The following SGK1 variants were observed in gnomAD, a reference collection of about 807,000 sequenced individuals.
SGK1 encodes the protein serum/glucocorticoid regulated kinase 1, also known as serine/threonine-protein kinase Sgk1.
A neutral mutation model predicts 64.2 loss-of-function variants in SGK1; 26 were observed. That is an observed-to-expected ratio of 0.40 (90% CI 0.30 to 0.56). The LOEUF is 0.56. Among genes scored for constraint, SGK1 ranks in the 20% least tolerant of loss-of-function variants. SGK1 has a pLI of 0.38. For synonymous variants in SGK1, 265 were observed against 239.7 expected (o/e 1.11, Z -0.98); for missense variants, 519 against 645.6 (o/e 0.80, Z 2.12).
chr6:134,297,887 C>G, intron 1 of SGK1: 1 of 804,666 alleles, frequency 1.2e-6, no homozygotes, highest in Non-Finnish European at 2.2e-6. Context: ...GGTACATGCT[C>G]TCAGCCTCAC....
Position 134,173,570 on chromosome 6 carries a change from G to GAA in SGK1, c.514-6_514-5dup, listed in dbSNP as rs113667538. The GAA allele has an allele frequency of 8.2e-4, 1,021 of 1,251,452 alleles. No individual in the cohort carries two copies. Among genetic ancestry groups the GAA allele is most frequent in the Admixed American group, 1.9e-3 (78 of 41,146 alleles). 77.5% of individuals were successfully genotyped at this position (1,251,452 alleles called of 1,614,324 possible). On this transcript the variant is annotated splice_region_variant and splice_polypyrimidine_tract_variant and intron_variant, in intron 5 of 13. Transcript: ENST00000367858. ...TGATTTGCTGAGAAGGACTTGGCTA[G>GAA]AAAAAAAAAAAAAGAATTTCTTTTA...
rs150432189 is a variant in SGK1, at chr6:134,232,364, G to A, written c.286-24933C>T. ...CTCACCACTGTACTCTAGCCTGGGCGATAGAGCAAGACTCTGTCTCAAAAA... is the reference window on the plus strand; with the variant it reads ...CTCACCACTGTACTCTAGCCTGGGCAATAGAGCAAGACTCTGTCTCAAAAA... On this transcript the variant is annotated intron_variant, in intron 2 of 13. Transcript: ENST00000367858. Among the ~76,000 whole-genome samples the A allele has an allele frequency of 4.5e-3, 649 of 144,792 alleles. 2 individuals carry two copies. Among genetic ancestry groups the A allele is most frequent in the African/African-American group, 0.016 (611 of 37,928 alleles). The allele number at this position is 144,792 out of a possible 152,430, so 95.0% of individuals were successfully genotyped here.
chr6:134,223,916 G>T (rs1039316392), intron 2 of SGK1, among the ~76,000 whole-genome samples: 112 of 152,300 alleles, frequency 7.4e-4, no homozygotes, highest in African/African-American at 2.5e-3. Context: ...GCCTTGGCTT[G>T]CACAGAAAGT....
At chr6:134,191,145 G>A (rs1775503014) in intron 3 of SGK1, among the ~76,000 whole-genome samples, 1 of 152,204 alleles carries the variant, frequency 6.6e-6, no homozygotes, top group Admixed American at 6.5e-5. Context: ...ATAAAGGACA[G>A]TTCATAGTCA....
intron 1 of SGK1, chr6:134,297,428 C>G (rs1562277831): frequency 1.4e-6 from 1 of 702,762 alleles, no homozygotes; most frequent in South Asian, 1.3e-5. Flanking sequence ...CGATGGCAGT[C>G]TCCAGGGAAG....
intron 2 of SGK1, among the ~76,000 whole-genome samples, chr6:134,210,954 G>A (rs1230166805): frequency 4.6e-5 from 7 of 151,718 alleles, no homozygotes; most frequent in Admixed American, 2.0e-4. Context: ...GTGAAACCCC[G>A]TCTCTACTAA....
chr6:134,198,683 T>C (rs1187098809), intron 3 of SGK1, among the ~76,000 whole-genome samples: 1 of 149,704 alleles, frequency 6.7e-6, no homozygotes, highest in Admixed American at 6.7e-5. Flanking sequence ...AATATGGATA[T>C]ACCACTTTAT....
At chr6:134,177,231 AAAAC>A (rs1481189653) in intron 3 of SGK1, among the ~76,000 whole-genome samples, 1 of 108,104 alleles carries the variant, frequency 9.3e-6, no homozygotes, top group Non-Finnish European at 2.0e-5. Context: ...CAAACAAACA[AAAAC>A]AAAACAAAAA....
At chr6:134,183,770 G>T (rs1169973274) in intron 3 of SGK1, among the ~76,000 whole-genome samples, 1 of 151,998 alleles carries the variant, frequency 6.6e-6, no homozygotes, top group Non-Finnish European at 1.5e-5. Context: ...ACTTCTGGAG[G>T]CCCAGAACTA....
intron 2 of SGK1, among the ~76,000 whole-genome samples, chr6:134,258,516 C>A (rs757140192): frequency 3.3e-5 from 5 of 152,136 alleles, no homozygotes; most frequent in Non-Finnish European, 7.3e-5. Flanking sequence ...AATAGCCTTG[C>A]CAACATGGTG....
chr6:134,260,377 C>CCCCA (rs1554225485), intron 2 of SGK1: 4 of 139,150 alleles, frequency 2.9e-5, no homozygotes, highest in Non-Finnish European at 6.4e-5. Flanking sequence ...GACCCCCACC[C>CCCCA]CCCCCAAAAA....
intron 1 of SGK1, among the ~76,000 whole-genome samples, chr6:134,268,269 T>C (rs950048795): frequency 6.6e-6 from 1 of 152,176 alleles, no homozygotes; most frequent in Non-Finnish European, 1.5e-5. Context: ...GCAGCAGCTG[T>C]GTGTGCGAGA....
chr6:134,244,837 G>T (rs1206375396), intron 2 of SGK1, among the ~76,000 whole-genome samples: 1 of 152,146 alleles, frequency 6.6e-6, no homozygotes, highest in East Asian at 1.9e-4. Context: ...GTGCAATGGC[G>T]CAATCTTGGC....
intron 2 of SGK1, among the ~76,000 whole-genome samples, chr6:134,233,009 TTATC>T (rs1474484936): frequency 2.0e-5 from 3 of 152,050 alleles, no homozygotes; most frequent in Non-Finnish European, 1.5e-5. Flanking sequence ...AATTTAAAAT[TTATC>T]TAGCATCTAT....
At chr6:134,229,141 A>C (rs767266017) in intron 2 of SGK1, among the ~76,000 whole-genome samples, 11 of 152,224 alleles carry the variant, frequency 7.2e-5, no homozygotes, top group Non-Finnish European at 1.5e-4. Context: ...CGGGTCTTGT[A>C]GTTGTTCTTG....
chr6:134,253,954 T>C (rs2114738813), intron 2 of SGK1, among the ~76,000 whole-genome samples: 1 of 152,222 alleles, frequency 6.6e-6, no homozygotes, highest in African/African-American at 2.4e-5. Context: ...CAGCGGACTC[T>C]GAGGAAATCC....
chr6:134,258,944 C>T (rs1776723607), intron 2 of SGK1, among the ~76,000 whole-genome samples: 1 of 152,054 alleles, frequency 6.6e-6, no homozygotes, highest in Non-Finnish European at 1.5e-5. Context: ...GCCATGATTG[C>T]ACCACTACAC....
chr6:134,170,807 AAGAG>A lies in SGK1; in HGVS notation c.1413+15_1413+18del, dbSNP rs754742189. ...GCCCTTTGGGCTTCTCTATACTTAG[AAGAG>A]AGACAGATACTCACCACATTTGGGT... is the stretch of plus-strand genomic sequence containing the variant. On this transcript the variant is annotated intron_variant, in intron 13 of 13. Coordinates refer to ENST00000367858, the MANE Select transcript of SGK1 (RefSeq NM_001143676.3). 2.7e-6 allele frequency: 4 copies of A among 1,493,894 alleles called. No individual in the cohort carries two copies. The highest frequency in any genetic ancestry group is 2.3e-5 in the South Asian group (2 of 88,142). 92.5% of individuals were successfully genotyped at this position (1,493,894 alleles called of 1,614,324 possible).
intron 4 of SGK1, 90 bp from the exon 5 acceptor site, chr6:134,174,170 C>G: frequency 1.1e-6 from 1 of 883,472 alleles, no homozygotes; most frequent in East Asian, 2.5e-5. Context: ...CTACCGACTT[C>G]TACCCGGATA....
Sources: allele counts gnomAD v4.1 joint callset (sites outside exome capture counted in the v4.1 genomes callset), GRCh38; gene constraint gnomAD v4.1.1; transcripts MANE v1.5; gene names NCBI Gene and HGNC (gene_info 2026-07-23, HGNC 2026-07-21).